GABRB1: variants seen among roughly 807,000 people sequenced by gnomAD.
The protein encoded by GABRB1 is gamma-aminobutyric acid type A receptor subunit beta1, also known as gamma-aminobutyric acid receptor subunit beta-1.
A neutral mutation model predicts 51.6 loss-of-function variants in GABRB1; 17 were observed. That is an observed-to-expected ratio of 0.33 (90% CI 0.23 to 0.49). GABRB1 has a LOEUF of 0.49. GABRB1 is among the 20% of genes least tolerant of loss of function. The pLI, the probability that GABRB1 is intolerant of heterozygous loss-of-function variation, is 0.99. For synonymous variants in GABRB1, 247 were observed against 218.9 expected, an observed-to-expected ratio of 1.13 and a Z score of -1.14; for missense variants, 410 against 600.6, an observed-to-expected ratio of 0.68 and a Z score of 3.32.
At chr4:47,001,266 C>A (rs942569265) in intron 1 of GABRB1, among the ~76,000 whole-genome samples, 4 of 152,042 alleles carry the variant, frequency 2.6e-5, no homozygotes, top group Admixed American at 6.6e-5. Flanking sequence ...CCTCAGCCTC[C>A]CGAGTAGCTG....
intron 4 of GABRB1, among the ~76,000 whole-genome samples, chr4:47,297,816 T>A (rs1478687454): frequency 6.6e-6 from 1 of 152,256 alleles, no homozygotes; most frequent in East Asian, 1.9e-4. Context: ...AAAAGAGAAT[T>A]TTAGACCAAT....
chr4:47,252,664 T>C (rs1337282789), intron 4 of GABRB1, among the ~76,000 whole-genome samples: 1 of 151,780 alleles, frequency 6.6e-6, no homozygotes, highest in Non-Finnish European at 1.5e-5. Context: ...CCCACCACCA[T>C]GCCTGGCTAA....
At chr4:47,263,979 TAA>T (rs139613069) in intron 4 of GABRB1, among the ~76,000 whole-genome samples, 21 of 140,330 alleles carry the variant, frequency 1.5e-4, no homozygotes, top group Non-Finnish European at 2.2e-4. Flanking sequence ...ACAAAAAAAA[TAA>T]AAAAAAAAAA....
chr4:47,337,241 C>T (rs189125188), intron 5 of GABRB1, among the ~76,000 whole-genome samples: 130 of 151,900 alleles, frequency 8.6e-4, no homozygotes, highest in Non-Finnish European at 1.4e-3. Context: ...AGACTCCATC[C>T]CCCCATCCCC....
intron 3 of GABRB1, among the ~76,000 whole-genome samples, chr4:47,122,990 T>C (rs1715848860): frequency 6.6e-6 from 1 of 152,096 alleles, no homozygotes; most frequent in Non-Finnish European, 1.5e-5. Context: ...GAAACAGAAA[T>C]TTAATAGCTG....
chr4:47,029,412 C>T (rs1224216005), upstream of GABRB1, among the ~76,000 whole-genome samples: 1 of 151,360 alleles, frequency 6.6e-6, no homozygotes, highest in Non-Finnish European at 1.5e-5. Flanking sequence ...GGCTTTTGAT[C>T]TTTTCTTATT....
At chr4:47,242,875 A>G (rs532523906) in intron 4 of GABRB1, among the ~76,000 whole-genome samples, 1 of 152,096 alleles carries the variant, frequency 6.6e-6, no homozygotes, top group Non-Finnish European at 1.5e-5. Context: ...TGCTGTGCAG[A>G]AGCTCTTTAG....
chr4:47,223,512 C>A (rs1425404877), intron 4 of GABRB1, among the ~76,000 whole-genome samples: 1 of 152,002 alleles, frequency 6.6e-6, no homozygotes, highest in Non-Finnish European at 1.5e-5. Context: ...TTTTTAAATT[C>A]TTTTATAGTA....
chr4:47,341,048 A>G (rs1464917224), intron 5 of GABRB1, among the ~76,000 whole-genome samples: 1 of 152,184 alleles, frequency 6.6e-6, no homozygotes, highest in African/African-American at 2.4e-5. Context: ...TAAATATTTG[A>G]TAAGATCTTT....
intron 3 of GABRB1, among the ~76,000 whole-genome samples, chr4:47,088,267 T>A (rs2109580902): frequency 6.6e-6 from 1 of 152,224 alleles, no homozygotes; most frequent in South Asian, 2.1e-4. Flanking sequence ...TCACACATAA[T>A]CCCTGCCCTT....
At chr4:47,202,360 G>A (rs571285549) in intron 4 of GABRB1, among the ~76,000 whole-genome samples, 8 of 152,166 alleles carry the variant, frequency 5.3e-5, no homozygotes, top group African/African-American at 4.8e-5. Flanking sequence ...TCTTCAGACC[G>A]ACCTCTTTCC....
At chr4:47,243,318 C>T (rs1553865248) in intron 4 of GABRB1, among the ~76,000 whole-genome samples, 4 of 152,070 alleles carry the variant, frequency 2.6e-5, no homozygotes, top group African/African-American at 9.7e-5. Context: ...AGTCAGGTAG[C>T]GTGATGCCTC....
At chr4:47,156,672 T>C (rs1717716464) in intron 3 of GABRB1, among the ~76,000 whole-genome samples, 1 of 151,768 alleles carries the variant, frequency 6.6e-6, no homozygotes, top group South Asian at 2.1e-4. Context: ...AAAAAACATA[T>C]ATATGTTGTT....
intron 3 of GABRB1, among the ~76,000 whole-genome samples, chr4:47,127,980 CAATT>C (rs1716237647): frequency 6.6e-6 from 1 of 151,378 alleles, no homozygotes; most frequent in African/African-American, 2.4e-5. Flanking sequence ...AAATAGAAAA[CAATT>C]AGCACTAAGA....
At position 47,380,050 on chromosome 4, in the gene GABRB1, C is replaced by T. The variant is rs368158926; in HGVS notation, c.545-23268C>T. Among the ~76,000 whole-genome samples, 41 of 151,424 alleles carry T rather than the reference C, an allele frequency of 2.7e-4. No individual in the cohort carries two copies. The South Asian group carries it at 8.2e-3, about 30-fold the overall frequency. On this transcript the variant is annotated intron_variant, in intron 5 of 8. Coordinates refer to ENST00000295454, the MANE Select transcript of GABRB1 (RefSeq NM_000812.4). The stretch of plus-strand genomic sequence containing the variant: ...AACTATAATTATGATCACAAGGGAA[C>T]ATGGATGCTTTTGATATAGGGTGTT...
At chr4:47,425,272 C>G (rs75797838) in intron 8 of GABRB1, among the ~76,000 whole-genome samples, 7,858 of 151,922 alleles carry the variant, frequency 0.052, 218 homozygotes, top group Middle Eastern at 0.14. Flanking sequence ...GGAAGCCAAG[C>G]GAGATGTTAA....
rs1719069181 is a variant in GABRB1, at chr4:47,184,150, CATTTCTGGACATCA to C, written c.461+22682_461+22695del. On this transcript the variant is annotated intron_variant, in intron 4 of 8. Coordinates refer to ENST00000295454, the MANE Select transcript of GABRB1 (RefSeq NM_000812.4). ...TCTAATAATCTGCTTCTTTTGTTTC[CATTTCTGGACATCA>C]GAACAACATTGAAGGAAATCATTCT... 3.9e-5 allele frequency among the ~76,000 whole-genome samples: 6 copies of C among 151,998 alleles called. No homozygotes were observed. In the South Asian group the frequency reaches 1.2e-3, roughly 32 times the overall value.
At chr4:47,300,006 C>A (rs1216793176) in intron 4 of GABRB1, among the ~76,000 whole-genome samples, 4 of 148,200 alleles carry the variant, frequency 2.7e-5, no homozygotes, top group Non-Finnish European at 5.9e-5. Flanking sequence ...ATCCAAACAC[C>A]ACATGTTCTC....
chr4:47,370,027 T>C (rs1727129968), intron 5 of GABRB1, among the ~76,000 whole-genome samples: 1 of 151,664 alleles, frequency 6.6e-6, no homozygotes, highest in Non-Finnish European at 1.5e-5. Context: ...ATGCTTCTCT[T>C]CAATTTCCTA....
Sources: gnomAD v4.1 joint callset for allele counts (sites outside exome capture counted in the v4.1 genomes callset) on GRCh38, gnomAD v4.1.1 for gene constraint, MANE v1.5 for transcripts, NCBI Gene and HGNC (gene_info 2026-07-23, HGNC 2026-07-21) for gene names.